CERS3: variants seen among roughly 807,000 people sequenced by gnomAD.
CERS3 encodes ceramide synthase 3.
CERS3 carries 33 observed loss-of-function variants against 50.3 expected under a neutral mutation model. The ratio of observed to expected loss-of-function variants is 0.66; its 90% CI spans 0.50 to 0.88. The LOEUF is 0.88. Among genes scored for constraint, CERS3 ranks in the 40% least tolerant of loss-of-function variants. The pLI is 0.00. For synonymous variants in CERS3, 176 were observed against 155.2 expected (o/e 1.13, Z -0.99); for missense variants, 470 against 460.3 (o/e 1.02, Z -0.19).
At chr15:100,508,453 C>G (rs565432653) in intron 2 of CERS3, among the ~76,000 whole-genome samples, 2 of 152,130 alleles carry the variant, frequency 1.3e-5, no homozygotes, top group African/African-American at 2.4e-5. Flanking sequence ...GTGTAAGCAT[C>G]GCAATACTTC....
chr15:100,442,754 G>A (rs1180337201), intron 11 of CERS3, among the ~76,000 whole-genome samples: 1 of 152,236 alleles, frequency 6.6e-6, no homozygotes, highest in African/African-American at 2.4e-5. Flanking sequence ...CGGCTTAGCA[G>A]CTGAAGACTG....
intron 5 of CERS3, among the ~76,000 whole-genome samples, chr15:100,483,787 A>ATTATTATTATTATTT (rs760594142): frequency 1.2e-4 from 12 of 100,026 alleles, no homozygotes; most frequent in African/African-American, 2.7e-4. Context: ...TATTATTATT[A>ATTATTATTATTATTT]TTTTTTTTTT....
intron 3 of CERS3, among the ~76,000 whole-genome samples, chr15:100,495,713 TC>T (rs2035791474): frequency 6.6e-6 from 1 of 152,182 alleles, no homozygotes; most frequent in African/African-American, 2.4e-5. Context: ...ACATATAATT[TC>T]TCCCAGTCTG....
At chr15:100,455,404 G>A (rs1025606191) in intron 11 of CERS3, among the ~76,000 whole-genome samples, 4 of 152,128 alleles carry the variant, frequency 2.6e-5, no homozygotes, top group Non-Finnish European at 5.9e-5. Context: ...TCAGCAGCAG[G>A]TGACTGTAGT....
intron 11 of CERS3, among the ~76,000 whole-genome samples, chr15:100,409,981 G>GA (rs2031351385): frequency 6.6e-6 from 1 of 152,162 alleles, no homozygotes; most frequent in African/African-American, 2.4e-5. Flanking sequence ...CTGCCAGAGT[G>GA]ACTCCCCCTT....
intron 11 of CERS3, among the ~76,000 whole-genome samples, chr15:100,443,857 C>A (rs376282138): frequency 6.6e-6 from 1 of 152,178 alleles, no homozygotes; most frequent in Non-Finnish European, 1.5e-5. Context: ...CCTTTAGATA[C>A]CTGGTTTTGC....
chr15:100,450,843 G>A (rs542342935), intron 11 of CERS3, among the ~76,000 whole-genome samples: 12 of 152,150 alleles, frequency 7.9e-5, no homozygotes, highest in East Asian at 3.9e-4. Flanking sequence ...AACCATCATC[G>A]GACTAACAAC....
At chr15:100,519,081 C>T (rs146115548) in intron 2 of CERS3, among the ~76,000 whole-genome samples, 5,844 of 152,076 alleles carry the variant, frequency 0.038, 169 homozygotes, top group South Asian at 0.11. Flanking sequence ...ATCGCTTGAA[C>T]CCGGAAGGCG....
intron 2 of CERS3, among the ~76,000 whole-genome samples, chr15:100,503,400 C>A (rs570517772): frequency 2.6e-5 from 4 of 152,246 alleles, no homozygotes; most frequent in South Asian, 2.1e-4. Context: ...CATATGATCA[C>A]CCTCATTAAA....
chr15:100,536,984 A>C (rs892494919), intron 1 of CERS3, among the ~76,000 whole-genome samples: 1 of 152,230 alleles, frequency 6.6e-6, no homozygotes, highest in African/African-American at 2.4e-5. Flanking sequence ...GGTGCTTGAA[A>C]TACAAAGATG....
chr15:100,473,321 C>A (rs1399572461), intron 8 of CERS3, among the ~76,000 whole-genome samples: 1 of 152,108 alleles, frequency 6.6e-6, no homozygotes, highest in East Asian at 1.9e-4. Flanking sequence ...TAAATGCATA[C>A]ACACACAAGC....
At chr15:100,419,520 C>A (rs1474473419) in intron 11 of CERS3, among the ~76,000 whole-genome samples, 89 of 126,664 alleles carry the variant, frequency 7.0e-4, no homozygotes, top group Non-Finnish European at 1.0e-3. Context: ...TTAGACAGAT[C>A]AACGAGACAG....
intron 11 of CERS3, among the ~76,000 whole-genome samples, chr15:100,404,035 C>T (rs2030781708): frequency 6.6e-6 from 1 of 152,140 alleles, no homozygotes; most frequent in Non-Finnish European, 1.5e-5. Context: ...AGGGCCAACA[C>T]ACAGAAGAGA....
At position 100,501,807 on chromosome 15, in the gene CERS3, A is replaced by T. The variant is rs762679102; in HGVS notation, c.43T>A (p.Trp15Arg). 2.5e-6 allele frequency: 4 copies of T among 1,614,198 alleles called. No individual in the cohort carries two copies. Among genetic ancestry groups the T allele is most frequent in the Non-Finnish European group, 3.4e-6 (4 of 1,179,994 alleles). ...GACCACTTTATTGTTGGAGGAAGCCAGAATCTTTCCAACCAGAACCATTCT... is the reference window on the plus strand; with the variant it reads ...GACCACTTTATTGTTGGAGGAAGCCTGAATCTTTCCAACCAGAACCATTCT... ...FKEWFWLERF[W>R]LPPTIKWSDL... The change falls in exon 3 of 12, where the codon TGG (tryptophan) becomes AGG (arginine). Residue 15 changes from tryptophan (W) to arginine (R), a missense_variant. Physicochemically the swap from Trp to Arg is moderately radical, Grantham distance 101. Coordinates refer to ENST00000679737, the MANE Select transcript of CERS3 (RefSeq NM_001378789.1).
intron 11 of CERS3, among the ~76,000 whole-genome samples, chr15:100,446,119 G>A (rs2033927962): frequency 6.6e-6 from 1 of 151,770 alleles, no homozygotes; most frequent in Non-Finnish European, 1.5e-5. Context: ...TTCGGACTCA[G>A]CCCGCCTGCA....
intron 1 of CERS3, among the ~76,000 whole-genome samples, chr15:100,536,204 A>T (rs538531661): frequency 6.6e-6 from 1 of 152,308 alleles, no homozygotes; most frequent in African/African-American, 2.4e-5. Context: ...TTAAGCATGA[A>T]TTAAGACCAC....
rs57343426 is a variant in CERS3 at position 100,497,852 on chromosome 15, TACACACACACACACAC to T, written c.173+3809_173+3824del. 6.1e-3 allele frequency among the ~76,000 whole-genome samples: 664 copies of T among 108,814 alleles called. 6 individuals are homozygous for T. The highest frequency in any genetic ancestry group is 0.014 in the African/African-American group (392 of 27,454). 71.4% of individuals were successfully genotyped at this position (108,814 alleles called of 152,430 possible). ...TTTGTTTTACTGGATACCTATCTCT[TACACACACACACACAC>T]ACACACACACACACACACACACACA... On this transcript the variant is annotated intron_variant, in intron 3 of 11. Coordinates refer to ENST00000679737, the MANE Select transcript of CERS3 (RefSeq NM_001378789.1).
At chr15:100,531,009 A>G (rs1461120155), upstream of CERS3, among the ~76,000 whole-genome samples, 15 of 152,094 alleles carry the variant, frequency 9.9e-5, no homozygotes, top group African/African-American at 3.6e-4. Flanking sequence ...CCTTGAACCC[A>G]GGAGACAGAG....
At chr15:100,540,886 T>A (rs1362123564) in intron 1 of CERS3, among the ~76,000 whole-genome samples, 1 of 152,236 alleles carries the variant, frequency 6.6e-6, no homozygotes, top group Non-Finnish European at 1.5e-5. Flanking sequence ...TCTCCCCCTT[T>A]GTTTCAAGCT....
Sources: allele counts gnomAD v4.1 joint callset (sites outside exome capture counted in the v4.1 genomes callset), GRCh38; gene constraint gnomAD v4.1.1; transcripts MANE v1.5; gene names NCBI Gene and HGNC (gene_info 2026-07-23, HGNC 2026-07-21).